The following KDM6A variants were observed in gnomAD, a reference collection of about 807,000 sequenced individuals.
KDM6A encodes the protein lysine-specific demethylase 6A.
KDM6A carries 11 observed loss-of-function variants against 117.6 expected under a neutral mutation model. The ratio of observed to expected loss-of-function variants is 0.09; its 90% CI spans 0.06 to 0.15. The LOEUF (loss-of-function observed/expected upper bound fraction) is 0.15, where lower values mean the gene tolerates loss of function less well. Among genes scored for constraint, KDM6A ranks in the 10% least tolerant of loss-of-function variants. KDM6A has a pLI of 1.00. For synonymous variants in KDM6A, 384 were observed against 396.1 expected (o/e 0.97, Z 0.36); for missense variants, 799 against 1,077.3 (o/e 0.74, Z 3.62).
intron 2 of KDM6A, among the ~76,000 whole-genome samples, chrX:44,906,550 C>T (rs1292608528): frequency 9.1e-6 from 1 of 110,187 alleles, no homozygotes; most frequent in Non-Finnish European, 1.9e-5. Flanking sequence ...GAACCAATTC[C>T]TCTTTGTGCT....
In KDM6A at chrX:45,053,891, C is replaced by G. The variant is rs2043960744; in HGVS notation, c.811C>G (p.Gln271Glu). ...AGCCACCAAGGAAAGCTATGCTATT[C>G]AGTATCTCCAAAAGTCCTTGGAAGC... ...DKATKESYAI[Q>E]YLQKSLEADP... Residue 271 changes from glutamine (Q) to glutamate (E), a missense_variant, in exon 10 of 30, where the codon CAG becomes GAG. This residue lies in a region of KDM6A where 63 missense variants were observed against 68.2 expected (regional missense o/e 0.92). Coordinates refer to ENST00000611820, the MANE Select transcript of KDM6A (RefSeq NM_001291415.2). The G allele has an allele frequency of 8.3e-7, 1 of 1,200,660 alleles. No homozygotes were observed.
At chrX:45,099,195 A>G (rs890101135) in intron 27 of KDM6A, among the ~76,000 whole-genome samples, 3 of 111,108 alleles carry the variant, frequency 2.7e-5, no homozygotes, top group African/African-American at 9.8e-5. Flanking sequence ...ATTCTCCTAC[A>G]TACCTGTAAT....
At chrX:44,918,078 T>C (rs778788599) in intron 2 of KDM6A, among the ~76,000 whole-genome samples, 24 of 111,700 alleles carry the variant, frequency 2.1e-4, no homozygotes, top group African/African-American at 7.5e-4. Flanking sequence ...GGTAAAAAGA[T>C]TTCTTCCAGA....
At chrX:45,097,368 T>C (rs1267999542) in intron 27 of KDM6A, among the ~76,000 whole-genome samples, 1 of 111,529 alleles carries the variant, frequency 9.0e-6, no homozygotes, top group Non-Finnish European at 1.9e-5. Flanking sequence ...AAAGATAATG[T>C]TTTTTAGATT....
At chrX:44,973,965 G>A (rs1393057959) in intron 3 of KDM6A, among the ~76,000 whole-genome samples, 1 of 110,822 alleles carries the variant, frequency 9.0e-6, no homozygotes, top group African/African-American at 3.3e-5. Flanking sequence ...ATTTTTTGAA[G>A]TATATTTTCC....
rs371081837 is a variant in KDM6A at position 45,082,636 on chromosome X, G to T, written c.3361G>T (p.Asp1121Tyr). Reference sequence around the variant, plus strand: ...CTCAGATAGTGAATCTACATCGTCAGATAAGTAAGTCATTTTTAATGTCCA... The same window carrying T: ...CTCAGATAGTGAATCTACATCGTCATATAAGTAAGTCATTTTTAATGTCCA... ...DHSDSESTSS[D>Y]NSGRRRKGPF... is the part of the protein sequence containing the mutation. Residue 1121 changes from aspartate (D) to tyrosine (Y), a missense_variant, in exon 22 of 30, where the codon GAT (aspartate) becomes TAT (tyrosine). By Grantham distance (160) the Asp-to-Tyr change is radical. Around this residue, in one of 8 missense-constraint regions of KDM6A, gnomAD observed 291 missense variants for 437.9 expected, o/e 0.66. Transcript: ENST00000611820. The T allele has an allele frequency of 1.3e-5, 15 of 1,182,043 alleles. No homozygotes were observed. Among genetic ancestry groups the T allele is most frequent in the Non-Finnish European group, 1.7e-5 (15 of 869,301 alleles).
chrX:44,873,530 G>A lies in KDM6A; in HGVS notation c.-22G>A. 8.3e-7 allele frequency: 1 copy of A among 1,208,990 alleles called. No homozygotes were observed. ...TCCGAGGGGGGGTGTCGGCGTTGGA[G>A]TTGTGAATTCGCTGCGTTTCCATGA... On this transcript the variant is annotated 5_prime_UTR_variant, in exon 1 of 30. Coordinates refer to ENST00000611820, the MANE Select transcript of KDM6A (RefSeq NM_001291415.2).
intron 2 of KDM6A, among the ~76,000 whole-genome samples, chrX:44,939,230 C>T (rs947757822): frequency 8.9e-6 from 1 of 112,426 alleles, no homozygotes; most frequent in African/African-American, 3.2e-5. Context: ...AAGGATTCAC[C>T]ATTCTTGATG....
chrX:44,995,153 G>T (rs779787380), intron 4 of KDM6A, among the ~76,000 whole-genome samples: 9 of 111,150 alleles, frequency 8.1e-5, no homozygotes, highest in Non-Finnish European at 1.3e-4. Flanking sequence ...ATCCCCAGGG[G>T]TTCAGATTTA....
chrX:45,070,735 A>G (rs141129440), intron 18 of KDM6A, among the ~76,000 whole-genome samples: 4,991 of 107,000 alleles, frequency 0.047, 314 homozygotes, highest in African/African-American at 0.16. Context: ...ATCAGAGCCT[A>G]TTAAATGTTA....
At chrX:44,923,636 C>G (rs1280033163) in intron 2 of KDM6A, among the ~76,000 whole-genome samples, 1 of 102,890 alleles carries the variant, frequency 9.7e-6, no homozygotes, top group South Asian at 4.6e-4. Flanking sequence ...CCTACACTTC[C>G]CGGGTTTGAG....
chrX:44,912,479 A>G (rs954699960), intron 2 of KDM6A, among the ~76,000 whole-genome samples: 4 of 112,221 alleles, frequency 3.6e-5, no homozygotes, highest in African/African-American at 1.3e-4. Context: ...GATCCACTAC[A>G]CAACACACGT....
chrX:45,067,626 A>G (rs1461996796), intron 17 of KDM6A, among the ~76,000 whole-genome samples: 1 of 105,519 alleles, frequency 9.5e-6, no homozygotes, highest in African/African-American at 3.5e-5. Context: ...ACTCCTTTAC[A>G]CACTCACTGG....
At chrX:45,079,071 T>A (rs1186591961) in intron 20 of KDM6A, 75 bp from the exon 21 acceptor site, 337 of 685,003 alleles carry the variant, frequency 4.9e-4, no homozygotes, top group Non-Finnish European at 6.4e-4. Context: ...CTTCTTCCTT[T>A]AAAAAAAAAA....
chrX:45,110,392 T>C (rs1939457450), intron 29 of KDM6A, 143 bp downstream of exon 29: 2 of 507,367 alleles, frequency 3.9e-6, no homozygotes, highest in Non-Finnish European at 6.8e-6. Flanking sequence ...TATATTCATA[T>C]CATTCCCCCC....
intron 2 of KDM6A, among the ~76,000 whole-genome samples, chrX:44,914,198 G>A (rs2035406060): frequency 8.9e-6 from 1 of 111,828 alleles, no homozygotes; most frequent in Non-Finnish European, 1.9e-5. Flanking sequence ...CCCAACACTA[G>A]TTATGTTTTG....
intron 2 of KDM6A, among the ~76,000 whole-genome samples, chrX:44,882,078 A>G (rs1316904096): frequency 8.9e-6 from 1 of 112,039 alleles, no homozygotes; most frequent in Non-Finnish European, 1.9e-5. Context: ...AGGGTATTAT[A>G]TAAGGTCATC....
rs5952673 is a variant in KDM6A at position 45,053,519 on chromosome X, G to T, written c.749-310G>T. 7.7e-4 allele frequency among the ~76,000 whole-genome samples: 86 copies of T among 111,239 alleles called. 1 individual carries two copies. The highest frequency in any genetic ancestry group is 7.1e-3 in the Admixed American group (75 of 10,515). On this transcript the variant is annotated intron_variant, in intron 9 of 29. Transcript: ENST00000611820. ...GTAACATCTTTATATTTTTTGTTTC[G>T]TAACTTGGAATTTTTTCAGATATCA...
At chrX:45,026,548 C>T (rs2042370976) in intron 6 of KDM6A, among the ~76,000 whole-genome samples, 1 of 110,178 alleles carries the variant, frequency 9.1e-6, no homozygotes, top group Admixed American at 9.7e-5. Context: ...ATATTGTGGG[C>T]CGGGCGCAGT....
Sources: allele counts gnomAD v4.1 joint callset (sites outside exome capture counted in the v4.1 genomes callset), GRCh38; gene constraint gnomAD v4.1.1; regional missense constraint gnomAD v4.1.1; transcripts MANE v1.5; gene names NCBI Gene and HGNC (gene_info 2026-07-23, HGNC 2026-07-21).